The following TULP4 variants were observed in gnomAD, a reference collection of about 807,000 sequenced individuals.
The protein encoded by TULP4 is TUB like protein 4.
Under a neutral mutation model 129.0 loss-of-function variants are expected in TULP4, and 16 were observed. The observed-to-expected ratio is 0.12, with a 90% confidence interval of 0.08 to 0.19. TULP4 has a LOEUF of 0.19. Among genes scored for constraint, TULP4 ranks in the 10% least tolerant of loss-of-function variants. The pLI is 1.00. For missense variants in TULP4, 1,842 were observed against 2,059.1 expected, an observed-to-expected ratio of 0.89 and a Z score of 2.04; for synonymous variants, 998 against 854.0, an observed-to-expected ratio of 1.17 and a Z score of -2.94.
intron 1 of TULP4, among the ~76,000 whole-genome samples, chr6:158,292,502 T>G (rs1455078651): frequency 6.6e-6 from 1 of 152,222 alleles, no homozygotes; most frequent in Non-Finnish European, 1.5e-5. Flanking sequence ...TTGTTGTAAT[T>G]TACTCAAGAT....
chr6:158,481,918 T>C (rs1779955868), intron 8 of TULP4, among the ~76,000 whole-genome samples: 1 of 152,240 alleles, frequency 6.6e-6, no homozygotes, highest in East Asian at 1.9e-4. Flanking sequence ...GAAGGGACTT[T>C]GTTCTTTTTT....
intron 3 of TULP4, among the ~76,000 whole-genome samples, chr6:158,430,593 C>A (rs1438446676): frequency 6.6e-6 from 1 of 151,804 alleles, no homozygotes; most frequent in African/African-American, 2.4e-5. Flanking sequence ...AAAAAAAATA[C>A]AAAAATTAGC....
intron 1 of TULP4, among the ~76,000 whole-genome samples, chr6:158,402,161 A>C (rs926961719): frequency 6.6e-6 from 1 of 152,232 alleles, no homozygotes; most frequent in African/African-American, 2.4e-5. Flanking sequence ...CCAAAAAACA[A>C]AACATTGCCT....
chr6:158,437,483 C>A (rs1203009919), intron 3 of TULP4, among the ~76,000 whole-genome samples: 1 of 151,962 alleles, frequency 6.6e-6, no homozygotes, highest in East Asian at 1.9e-4. Flanking sequence ...ATTGCTTGAG[C>A]CTGGGAGGTC....
At chr6:158,431,108 T>A (rs1778617752) in intron 3 of TULP4, among the ~76,000 whole-genome samples, 1 of 152,138 alleles carries the variant, frequency 6.6e-6, no homozygotes, top group African/African-American at 2.4e-5. Flanking sequence ...TATCCCCTAG[T>A]ATTTGTGTGT....
chr6:158,374,284 CT>C (rs1777134447), intron 1 of TULP4, among the ~76,000 whole-genome samples: 1 of 105,902 alleles, frequency 9.4e-6, no homozygotes, highest in African/African-American at 4.6e-5. Context: ...GAGACCTTGT[CT>C]TTAAAGAAAA....
intron 3 of TULP4, among the ~76,000 whole-genome samples, chr6:158,431,230 G>A (rs1467524559): frequency 6.6e-6 from 1 of 152,106 alleles, no homozygotes; most frequent in East Asian, 1.9e-4. Flanking sequence ...CGAGGCACCT[G>A]ATCTTTCCTG....
intron 1 of TULP4, among the ~76,000 whole-genome samples, chr6:158,292,563 A>G (rs984456385): frequency 2.0e-5 from 3 of 152,026 alleles, no homozygotes; most frequent in African/African-American, 4.8e-5. Flanking sequence ...GTAACATGTA[A>G]TTTTACTTTT....
At chr6:158,251,778 C>G (rs974039351) in intron 1 of TULP4, among the ~76,000 whole-genome samples, 2 of 152,198 alleles carry the variant, frequency 1.3e-5, no homozygotes, top group African/African-American at 4.8e-5. Flanking sequence ...CTAGTTTTGA[C>G]AGTGCAGAGT....
intron 1 of TULP4, among the ~76,000 whole-genome samples, chr6:158,333,084 A>G (rs139810671): frequency 2.2e-4 from 34 of 152,258 alleles, no homozygotes; most frequent in African/African-American, 7.9e-4. Context: ...GCTTAATGCT[A>G]TAATACATCT....
At chr6:158,331,377 T>C (rs1779874344) in intron 1 of TULP4, among the ~76,000 whole-genome samples, 1 of 152,142 alleles carries the variant, frequency 6.6e-6, no homozygotes, top group Non-Finnish European at 1.5e-5. Flanking sequence ...TCAATGATTA[T>C]TTCCTTTGAT....
intron 4 of TULP4, 108 bp downstream of exon 4, chr6:158,449,284 C>A: frequency 8.4e-7 from 1 of 1,196,186 alleles, no homozygotes; most frequent in Non-Finnish European, 1.1e-6. Context: ...GCCACACCTA[C>A]GGCACCCGGG....
intron 12 of TULP4, 69 bp downstream of exon 12, chr6:158,498,881 C>A: frequency 6.4e-7 from 1 of 1,570,938 alleles, no homozygotes; most frequent in Admixed American, 1.7e-5. Flanking sequence ...GGGGACAGAG[C>A]GGCAAGTTGT....
chr6:158,280,436 T>C (rs1778729084), upstream of TULP4, among the ~76,000 whole-genome samples: 1 of 152,276 alleles, frequency 6.6e-6, no homozygotes. Context: ...TACAAGTGGC[T>C]ACCTGAATAT....
Position 158,443,947 on chromosome 6 carries a change from C to T in TULP4, c.544-5049C>T, listed in dbSNP as rs113993837. 3.7e-3 allele frequency among the ~76,000 whole-genome samples: 561 copies of T among 152,076 alleles called. 2 individuals carry two copies. The highest frequency in any genetic ancestry group is 4.7e-3 in the Non-Finnish European group (320 of 67,960). On this transcript the variant is annotated intron_variant, in intron 3 of 13. Coordinates refer to ENST00000367097, the MANE Select transcript of TULP4 (RefSeq NM_020245.5). ...TCTTAAAAAATTTTTTGGCCGGGTG[C>T]GGTGGCTCACGCCTGTAATCCCAGC...
intron 4 of TULP4, among the ~76,000 whole-genome samples, chr6:158,450,324 C>A (rs1023349862): frequency 1.3e-5 from 2 of 152,118 alleles, no homozygotes; most frequent in African/African-American, 4.8e-5. Flanking sequence ...AGGGCTGTTC[C>A]GGGGGAAATT....
chr6:158,246,470 C>T (rs374306746), intron 1 of TULP4, among the ~76,000 whole-genome samples: 27 of 147,604 alleles, frequency 1.8e-4, no homozygotes, highest in Middle Eastern at 3.5e-3. Context: ...CCAGCCTGGG[C>T]GACAAAGTGA....
At chr6:158,374,698 A>G (rs931751776) in intron 1 of TULP4, among the ~76,000 whole-genome samples, 3 of 152,222 alleles carry the variant, frequency 2.0e-5, no homozygotes, top group African/African-American at 7.2e-5. Context: ...AGCAGTAACA[A>G]TGAACATAGG....
intron 1 of TULP4, among the ~76,000 whole-genome samples, chr6:158,361,535 G>A (rs571235420): frequency 2.6e-5 from 4 of 152,264 alleles, no homozygotes; most frequent in Non-Finnish European, 5.9e-5. Flanking sequence ...TAGTGGATTT[G>A]TGTTATATTT....
Sources: gnomAD v4.1 joint callset for allele counts (sites outside exome capture counted in the v4.1 genomes callset) on GRCh38, gnomAD v4.1.1 for gene constraint, MANE v1.5 for transcripts, NCBI Gene and HGNC (gene_info 2026-07-23, HGNC 2026-07-21) for gene names.